C1orf167: variants seen among roughly 807,000 people sequenced by gnomAD.
C1orf167 encodes uncharacterized protein C1orf167.
In C1orf167, 153 loss-of-function variants were observed where a neutral mutation model predicts 176.5. The ratio of observed to expected loss-of-function variants is 0.87; its 90% CI spans 0.76 to 0.99. The LOEUF (loss-of-function observed/expected upper bound fraction) is 0.99, where lower values mean the gene tolerates loss of function less well. Among genes scored for constraint, C1orf167 ranks in the 50% least tolerant of loss-of-function variants. The probability of loss-of-function intolerance (pLI) is 0.00; values close to 1 mark genes in which losing one functional copy is unlikely to be tolerated. For synonymous variants in C1orf167, 594 were observed against 752.7 expected, an observed-to-expected ratio of 0.79 and a Z score of 3.45; for missense variants, 1,490 against 1,817.7, an observed-to-expected ratio of 0.82 and a Z score of 3.28.
In C1orf167 at chr1:11,764,398, C is replaced by G; in HGVS notation, c.-3C>G. Reference sequence around the variant, plus strand: ...GACCAAGGATACTCCTGTCCCTGAGCCCATGGAGCTAAGGTCTGATGCCAG... The same window carrying G: ...GACCAAGGATACTCCTGTCCCTGAGGCCATGGAGCTAAGGTCTGATGCCAG... On this transcript the variant is annotated 5_prime_UTR_variant, in exon 2 of 21. Transcript: ENST00000688073. The G allele has an allele frequency of 2.3e-6, 3 of 1,289,354 alleles. No homozygotes were observed. The highest frequency in any genetic ancestry group is 3.0e-6 in the Non-Finnish European group (3 of 988,828). 79.9% of individuals were successfully genotyped at this position (1,289,354 alleles called of 1,614,324 possible).
At position 11,766,591 on chromosome 1, in the gene C1orf167, G is replaced by A. The variant is rs1306585222; in HGVS notation, c.805G>A (p.Asp269Asn). 3 of 1,270,328 alleles carry A rather than the reference G, an allele frequency of 2.4e-6. No homozygotes were observed. The East Asian group carries it at 1.7e-4, about 71-fold the overall frequency. The allele number at this position is 1,270,328 out of a possible 1,614,324, so 78.7% of individuals were successfully genotyped here. The change falls in exon 3 of 21, where the codon GAC becomes AAC. Residue 269 changes from aspartate to asparagine, a missense_variant. Asp to Asn is a conservative substitution (Grantham distance 23). Coordinates refer to ENST00000688073, the MANE Select transcript of C1orf167 (RefSeq NM_001010881.2). The surrounding 1 kb of genome is among the most constrained non-coding windows in gnomAD (Gnocchi z 4.5). ...PQEPPGAVQQDLWTGGGQPFS... is the reference protein window; with the variant it reads ...PQEPPGAVQQNLWTGGGQPFS... ...GGAACCCCCCGGTGCTGTGCAGCAGGACCTCTGGACCGGCGGCGGCCAGCC... is the reference window on the plus strand; with the variant it reads ...GGAACCCCCCGGTGCTGTGCAGCAGAACCTCTGGACCGGCGGCGGCCAGCC...
rs1642785409 is a variant in C1orf167 at position 11,766,213 on chromosome 1, T to C, written c.427T>C (p.Ser143Pro). 7.8e-7 allele frequency: 1 copy of C among 1,289,638 alleles called. No individual in the cohort carries two copies. The allele number at this position is 1,289,638 out of a possible 1,614,324, so 79.9% of individuals were successfully genotyped here. A position where few individuals can be genotyped will look rare whatever the true frequency, so the allele number is the denominator to read the frequency against. ...PHLCPEPGGS[S>P]GPHKLPWGPL... ...CCTCTGCCCAGAGCCTGGGGGAAGCTCTGGGCCCCACAAGCTTCCCTGGGG... is the reference window on the plus strand; with the variant it reads ...CCTCTGCCCAGAGCCTGGGGGAAGCCCTGGGCCCCACAAGCTTCCCTGGGG... The change falls in exon 3 of 21, where the codon TCT becomes CCT. Residue 143 changes from serine (S) to proline (P), a missense_variant. Transcript: ENST00000688073. This position sits in a 1 kb window ranked among gnomAD's most constrained non-coding sequence, Gnocchi z 4.5.
chr1:11,766,647 T>C lies in C1orf167; in HGVS notation c.861T>C (p.Pro287=). The C allele has an allele frequency of 7.8e-7, 1 of 1,289,302 alleles. No individual in the cohort carries two copies. Among genetic ancestry groups the C allele is most frequent in the Non-Finnish European group, 1.0e-6 (1 of 988,518 alleles). The allele number at this position is 1,289,302 out of a possible 1,614,324, so 79.9% of individuals were successfully genotyped here. Reference sequence around the variant, plus strand: ...CCGCCCACCCCCAGCCCAGCCAGCCTGTCCTTGCTTCCTCGGATGGGAGGA... The same window carrying C: ...CCGCCCACCCCCAGCCCAGCCAGCCCGTCCTTGCTTCCTCGGATGGGAGGA... ...PFSAHPQPSQ[P]VLASSDGRRR... The change falls in exon 3 of 21, where the codon CCT becomes CCC. Residue 287 remains proline, a synonymous_variant. Transcript: ENST00000688073. The surrounding 1 kb of genome is among the most constrained non-coding windows in gnomAD (Gnocchi z 4.5).
intron 17 of C1orf167, 137 bp downstream of exon 17, chr1:11,787,630 T>A: frequency 6.2e-6 from 5 of 806,872 alleles, no homozygotes; most frequent in Non-Finnish European, 8.4e-6. Flanking sequence ...ATCCATTCCC[T>A]CTTCGGAATG....
intron 4 of C1orf167, among the ~76,000 whole-genome samples, chr1:11,767,739 T>C (rs145488887): frequency 0.046 from 6,914 of 151,950 alleles, 222 homozygotes; most frequent in Non-Finnish European, 0.058. Flanking sequence ...GGTGGGAGGA[T>C]CACTTGAGCC....
At chr1:11,785,431 C>A in intron 16 of C1orf167, 142 bp downstream of exon 16, 1 of 974,484 alleles carries the variant, frequency 1.0e-6, no homozygotes, top group Non-Finnish European at 1.3e-6. Context: ...ACCCTCGGAC[C>A]ACCGGCCTTA....
rs1643121632 is a variant in C1orf167 at position 11,772,335 on chromosome 1, G to A, written c.1988+76G>A. 3 of 1,190,770 alleles carry A rather than the reference G, an allele frequency of 2.5e-6. No homozygotes were observed. In the African/African-American group the frequency reaches 4.7e-5, roughly 19 times the overall value. 73.8% of individuals were successfully genotyped at this position (1,190,770 alleles called of 1,614,324 possible). A position where few individuals can be genotyped will look rare whatever the true frequency, so the allele number is the denominator to read the frequency against. On this transcript the variant is annotated intron_variant, in intron 8 of 20. Coordinates refer to ENST00000688073, the MANE Select transcript of C1orf167 (RefSeq NM_001010881.2). ...GGCTGAAGTACAGTGGCACCATCTT[G>A]CTCACTGCACCCTCCACCTCCCTGG...
chr1:11,777,443 G>C (rs1432164965), intron 10 of C1orf167: 1 of 152,586 alleles, frequency 6.6e-6, no homozygotes, highest in African/African-American at 2.4e-5. Context: ...CTGAGGTCAG[G>C]AGTTTGAGAC....
At chr1:11,780,166 C>G (rs528964997) in intron 13 of C1orf167, among the ~76,000 whole-genome samples, 156 bp downstream of exon 13, 7 of 152,338 alleles carry the variant, frequency 4.6e-5, no homozygotes, top group African/African-American at 1.7e-4. Context: ...CCCATAGAAA[C>G]TGTGAGATAA....
Position 11,778,817 on chromosome 1 carries a change from G to A in C1orf167, c.2496+1G>A. ...CACACTCCAAGACTCTCTGGAGAAG[G>A]TGAGAGGTAGGAGGGTGGGGAGGGG... On this transcript the variant is annotated splice_donor_variant, in intron 11 of 20. Transcript: ENST00000688073. LOFTEE classifies it high-confidence loss of function. 1 of 1,300,608 alleles carries A rather than the reference G, an allele frequency of 7.7e-7. No homozygotes were observed. The highest frequency in any genetic ancestry group is 1.5e-5 in the African/African-American group (1 of 65,878). The allele number at this position is 1,300,608 out of a possible 1,614,324, so 80.6% of individuals were successfully genotyped here.
intron 14 of C1orf167, 128 bp from the exon 15 acceptor site, chr1:11,784,046 C>T (rs527731425): frequency 7.4e-6 from 6 of 809,138 alleles, no homozygotes; most frequent in South Asian, 5.7e-5. Flanking sequence ...TTAATAGAGA[C>T]GGGGTTTCAC....
rs1022080339 is a variant in C1orf167, at chr1:11,775,314, G to T, written c.1989-121G>T. 3.9e-5 allele frequency: 27 copies of T among 700,962 alleles called. No individual in the cohort carries two copies. The African/African-American group carries it at 4.9e-4, about 13-fold the overall frequency. The allele number at this position is 700,962 out of a possible 1,614,324, so 43.4% of individuals were successfully genotyped here. On this transcript the variant is annotated intron_variant, in intron 8 of 20. Coordinates refer to ENST00000688073, the MANE Select transcript of C1orf167 (RefSeq NM_001010881.2). ...CAAACAACAACAACAAAACACGGAG[G>T]CTCAGAGAGATGAAGTGGCTTGCCC...
intron 20 of C1orf167, 144 bp from the exon 21 acceptor site, chr1:11,789,126 T>A: frequency 1.3e-6 from 1 of 744,520 alleles, no homozygotes; most frequent in Non-Finnish European, 1.9e-6. Context: ...GCATTTGGCC[T>A]AGGCAAGACT....
chr1:11,768,328 G>A lies in C1orf167; in HGVS notation c.1542+53G>A. The stretch of plus-strand genomic sequence containing the variant: ...GGCCGTGTGAAGCAGTGGTGTGTCT[G>A]GGGAGGAGACTCAGTCTACGGAGAG... On this transcript the variant is annotated intron_variant, in intron 5 of 20. Transcript: ENST00000688073. This position sits in a 1 kb window ranked among gnomAD's most constrained non-coding sequence, Gnocchi z 4.5. The A allele has an allele frequency of 7.9e-7, 1 of 1,271,568 alleles. No homozygotes were observed. 78.8% of individuals were successfully genotyped at this position (1,271,568 alleles called of 1,614,324 possible). A position where few individuals can be genotyped will look rare whatever the true frequency, so the allele number is the denominator to read the frequency against.
chr1:11,771,317 TAAAG>T (rs1050749771), intron 6 of C1orf167, among the ~76,000 whole-genome samples: 7 of 151,922 alleles, frequency 4.6e-5, no homozygotes, highest in African/African-American at 1.2e-4. Flanking sequence ...CAAATAGTAT[TAAAG>T]AGAATAAATC....
intron 6 of C1orf167, among the ~76,000 whole-genome samples, chr1:11,770,947 A>T (rs1471338806): frequency 5.6e-5 from 8 of 142,688 alleles, no homozygotes; most frequent in Non-Finnish European, 1.2e-4. Flanking sequence ...TGGGACTACA[A>T]GTGTGTGCCA....
rs188892464 is a variant in C1orf167, at chr1:11,778,574, C to T, written c.2340-86C>T. On this transcript the variant is annotated intron_variant, in intron 10 of 20. Coordinates refer to ENST00000688073, the MANE Select transcript of C1orf167 (RefSeq NM_001010881.2). ...CCCTTTCAGCCCATCTCTTTCACAG[C>T]GGCCAGGGTAGGGTAGCCCCTGCTT... 101 of 1,128,406 alleles carry T rather than the reference C, an allele frequency of 9.0e-5. No homozygotes were observed. In the Admixed American group the frequency reaches 1.9e-3, roughly 22 times the overall value. 69.9% of individuals were successfully genotyped at this position (1,128,406 alleles called of 1,614,324 possible). A position where few individuals can be genotyped will look rare whatever the true frequency, so the allele number is the denominator to read the frequency against.
At position 11,788,297 on chromosome 1, in the gene C1orf167, T is replaced by A; in HGVS notation, c.3997T>A (p.Phe1333Ile). The part of the protein sequence containing the change: ...PRGTASRAAG[F>I]PAGQVPGSGM... ...AGGCACTGCTTCACGGGCTGCGGGG[T>A]TCCCAGCAGGCCAGGTGCCTGGCAG... The change falls in exon 19 of 21, where the codon TTC (phenylalanine) becomes ATC (isoleucine). Residue 1333 changes from phenylalanine (F) to isoleucine (I), a missense_variant. Phe to Ile is a conservative substitution (Grantham distance 21). Coordinates refer to ENST00000688073, the MANE Select transcript of C1orf167 (RefSeq NM_001010881.2). The A allele has an allele frequency of 7.7e-7, 1 of 1,303,334 alleles. No homozygotes were observed. Among genetic ancestry groups the A allele is most frequent in the Non-Finnish European group, 1.0e-6 (1 of 988,502 alleles). 80.7% of individuals were successfully genotyped at this position (1,303,334 alleles called of 1,614,324 possible).
rs1302844067 is a variant in C1orf167 at position 11,776,560 on chromosome 1, A to C, written c.2261A>C (p.Gln754Pro). The stretch of plus-strand genomic sequence containing the variant: ...CAGGAGCAAGGCCGGGGCTCCCTGC[A>C]GGATGCCTGCTGGACACTGGCCCTC... ...GQQEQGRGSLQDACWTLALCW... is the reference protein window; with the variant it reads ...GQQEQGRGSLPDACWTLALCW... Residue 754 changes from glutamine (Q) to proline (P), a missense_variant, in exon 10 of 21, where the codon CAG becomes CCG. By Grantham distance (76) the Gln-to-Pro change is moderately conservative (BLOSUM62 -1). Transcript: ENST00000688073. 1.3e-5 allele frequency: 17 copies of C among 1,273,382 alleles called. No individual in the cohort carries two copies. Among genetic ancestry groups the C allele is most frequent in the Non-Finnish European group, 1.6e-5 (16 of 975,596 alleles). The allele number at this position is 1,273,382 out of a possible 1,614,324, so 78.9% of individuals were successfully genotyped here. A position where few individuals can be genotyped will look rare whatever the true frequency, so the allele number is the denominator to read the frequency against.
Sources: allele counts gnomAD v4.1 joint callset (sites outside exome capture counted in the v4.1 genomes callset), GRCh38; gene constraint gnomAD v4.1.1; non-coding constraint Gnocchi (gnomAD v3.1); transcripts MANE v1.5; gene names NCBI Gene and HGNC (gene_info 2026-07-23, HGNC 2026-07-21).